Variants in PRKCE observed in about 807,000 individuals in gnomAD.
PRKCE encodes protein kinase C epsilon, also known as protein kinase C epsilon type.
Under a neutral mutation model 85.4 loss-of-function variants are expected in PRKCE, and 16 were observed. The observed-to-expected ratio is 0.19, with a 90% CI of 0.13 to 0.28. The LOEUF (loss-of-function observed/expected upper bound fraction) is 0.28, where lower values mean the gene tolerates loss of function less well. Ranked by LOEUF, PRKCE falls within the 10% of genes least tolerant of loss-of-function variation. The probability of loss-of-function intolerance (pLI) is 1.00; values close to 1 mark genes in which losing one functional copy is unlikely to be tolerated. For missense variants in PRKCE, 573 were observed against 975.2 expected (o/e 0.59, Z 5.49); for synonymous variants, 388 against 371.5 (o/e 1.04, Z -0.51).
intron 10 of PRKCE, among the ~76,000 whole-genome samples, chr2:46,051,173 C>T (rs1227682627): frequency 6.6e-6 from 1 of 152,212 alleles, no homozygotes; most frequent in Non-Finnish European, 1.5e-5. Flanking sequence ...AATCCTCTTT[C>T]CCACTGCAAG....
intron 1 of PRKCE, among the ~76,000 whole-genome samples, chr2:45,809,605 C>T (rs547088293): frequency 1.3e-4 from 20 of 151,804 alleles, no homozygotes; most frequent in African/African-American, 4.1e-4. Context: ...TGGGTACGGT[C>T]GGGCACGGTG....
intron 6 of PRKCE, among the ~76,000 whole-genome samples, chr2:45,996,037 C>A (rs1309813907): frequency 6.6e-6 from 1 of 152,000 alleles, no homozygotes; most frequent in African/African-American, 2.4e-5. Flanking sequence ...ATTTTTTTCA[C>A]AACGGTTTTG....
At chr2:46,056,230 T>C (rs1162846221) in intron 10 of PRKCE, among the ~76,000 whole-genome samples, 4 of 150,860 alleles carry the variant, frequency 2.7e-5, no homozygotes, top group Non-Finnish European at 5.9e-5. Context: ...TCACGGTTAA[T>C]GTTCTTGAAC....
intron 1 of PRKCE, among the ~76,000 whole-genome samples, chr2:45,668,212 G>C (rs939147749): frequency 6.6e-6 from 1 of 152,078 alleles, no homozygotes; most frequent in African/African-American, 2.4e-5. Context: ...ATGGTGGTGA[G>C]CGCCTGTACT....
intron 10 of PRKCE, among the ~76,000 whole-genome samples, chr2:46,024,949 T>C (rs1706983901): frequency 6.6e-6 from 1 of 152,072 alleles, no homozygotes; most frequent in Non-Finnish European, 1.5e-5. Flanking sequence ...TTGCCCAGAG[T>C]TTTATTCCCT....
rs1323404585 is a variant in PRKCE, at chr2:45,884,393, A to G, written c.412+41330A>G. 8.5e-5 allele frequency among the ~76,000 whole-genome samples: 13 copies of G among 152,306 alleles called. No homozygotes were observed. In the South Asian group the frequency reaches 1.5e-3, roughly 17 times the overall value. On this transcript the variant is annotated intron_variant, in intron 2 of 14. Transcript: ENST00000306156. ...TGTCCAGGGTTCATAGTATGACGACAGGGTGGTGGTGAGGAAGGAGGCCTG... is the reference window on the plus strand; with the variant it reads ...TGTCCAGGGTTCATAGTATGACGACGGGGTGGTGGTGAGGAAGGAGGCCTG...
intron 1 of PRKCE, among the ~76,000 whole-genome samples, chr2:45,837,118 G>C (rs986584797): frequency 5.3e-5 from 8 of 152,244 alleles, no homozygotes; most frequent in African/African-American, 1.7e-4. Flanking sequence ...GGGGCTGACA[G>C]CAGCACATCA....
rs1490980863 is a variant in PRKCE, at chr2:46,002,746, A to G, written c.966+1200A>G. Among the ~76,000 whole-genome samples the G allele has an allele frequency of 3.9e-5, 6 of 152,212 alleles. No individual in the cohort carries two copies. The South Asian group carries it at 8.3e-4, about 21-fold the overall frequency. On this transcript the variant is annotated intron_variant, in intron 7 of 14. Transcript: ENST00000306156. ...AAGGCCCTGGAATTGCAAGCAGAGT[A>G]TCAGTACCCAAGAATGCTAGGGCCC...
chr2:45,953,646 G>GC (rs1194924906), intron 2 of PRKCE, among the ~76,000 whole-genome samples: 2 of 152,060 alleles, frequency 1.3e-5, no homozygotes, highest in African/African-American at 4.8e-5. Flanking sequence ...TTTTAATTGC[G>GC]CCCCCATCCA....
intron 10 of PRKCE, among the ~76,000 whole-genome samples, chr2:46,061,109 T>TTTCC (rs1667080129): frequency 7.7e-6 from 1 of 130,232 alleles, no homozygotes; most frequent in African/African-American, 3.5e-5. Context: ...TTTTCCTTTT[T>TTTCC]TTTTTTTTTT....
chr2:45,882,947 A>T (rs1694988897), intron 2 of PRKCE, among the ~76,000 whole-genome samples: 1 of 152,248 alleles, frequency 6.6e-6, no homozygotes, highest in South Asian at 2.1e-4. Flanking sequence ...AAGGCTTGAC[A>T]CGTGTTCATC....
Position 45,976,529 on chromosome 2 carries a change from G to A in PRKCE, c.513G>A (p.Lys171=). The A allele has an allele frequency of 6.3e-7, 1 of 1,599,768 alleles. No homozygotes were observed. Among genetic ancestry groups the A allele is most frequent in the Non-Finnish European group, 8.5e-7 (1 of 1,179,960 alleles). The change falls in exon 3 of 15, where the codon AAG becomes AAA. Residue 171 remains lysine (K), a synonymous_variant. Transcript: ENST00000306156. ...GGGTCCATCAGGTCAACGGCCACAA[G>A]TTCATGGCCACCTATCTTCGGCAGC... is the stretch of plus-strand genomic sequence containing the variant. The part of the protein sequence containing the change: ...RRRVHQVNGH[K]FMATYLRQPT...
At chr2:45,887,086 G>A (rs536556127) in intron 2 of PRKCE, among the ~76,000 whole-genome samples, 61 of 152,300 alleles carry the variant, frequency 4.0e-4, no homozygotes, top group Non-Finnish European at 6.8e-4. Flanking sequence ...TTTTTACATG[G>A]TGTCTATCTG....
chr2:45,867,912 G>A (rs1014744745), intron 2 of PRKCE, among the ~76,000 whole-genome samples: 5 of 152,140 alleles, frequency 3.3e-5, no homozygotes, highest in African/African-American at 1.2e-4. Flanking sequence ...GAAGCCCCCA[G>A]GTCACTTGTT....
intron 1 of PRKCE, among the ~76,000 whole-genome samples, chr2:45,819,817 T>C (rs1218265878): frequency 6.6e-6 from 1 of 152,164 alleles, no homozygotes; most frequent in Non-Finnish European, 1.5e-5. Flanking sequence ...CATATAAAGC[T>C]TCAGACAAAG....
At chr2:46,163,415 C>T (rs1677977056) in intron 14 of PRKCE, among the ~76,000 whole-genome samples, 1 of 141,192 alleles carries the variant, frequency 7.1e-6, no homozygotes, top group Admixed American at 6.9e-5. Context: ...AGGCACTCCC[C>T]ACAGAGGCCA....
intron 1 of PRKCE, among the ~76,000 whole-genome samples, chr2:45,816,958 G>A (rs935614257): frequency 2.0e-5 from 3 of 152,170 alleles, no homozygotes; most frequent in African/African-American, 7.2e-5. Context: ...TTACCATTGT[G>A]AACTTATAAT....
At position 45,786,157 on chromosome 2, in the gene PRKCE, G is replaced by A. The variant is rs542539706; in HGVS notation, c.349-56843G>A. 6.6e-6 allele frequency among the ~76,000 whole-genome samples: 1 copy of A among 152,144 alleles called. No individual in the cohort carries two copies. On this transcript the variant is annotated intron_variant, in intron 1 of 14. Transcript: ENST00000306156. This position sits in a 1 kb window ranked among gnomAD's most constrained non-coding sequence, Gnocchi z 5.3. ...AAATGAGCAATGTATTATTAGCAAG[G>A]GGCATTGATTGCAGTCTGCCAGTGA... is the stretch of plus-strand genomic sequence containing the variant.
At chr2:45,920,728 G>T (rs1458962666) in intron 2 of PRKCE, among the ~76,000 whole-genome samples, 2 of 152,142 alleles carry the variant, frequency 1.3e-5, no homozygotes, top group Non-Finnish European at 2.9e-5. Context: ...AGGGCTGGGG[G>T]TGGGGAATTG....
Sources: gnomAD v4.1 joint callset for allele counts (sites outside exome capture counted in the v4.1 genomes callset) on GRCh38, gnomAD v4.1.1 for gene constraint, Gnocchi (gnomAD v3.1) non-coding constraint, MANE v1.5 for transcripts, NCBI Gene and HGNC (gene_info 2026-07-23, HGNC 2026-07-21) for gene names.